The following PPM1K variants were observed in gnomAD, a reference collection of about 807,000 sequenced individuals.
PPM1K encodes the protein protein phosphatase Mn(2+)-dependent 1K.
PPM1K carries 19 observed loss-of-function variants against 32.6 expected under a neutral mutation model. The ratio of observed to expected loss-of-function variants is 0.58; its 90% CI spans 0.41 to 0.86. The LOEUF (loss-of-function observed/expected upper bound fraction) is 0.86. PPM1K is among the 40% of genes least tolerant of loss of function. PPM1K has a pLI of 0.00. For missense variants in PPM1K, 362 were observed against 461.2 expected (o/e 0.78, Z 1.97); for synonymous variants, 159 against 165.3 (o/e 0.96, Z 0.29).
At position 88,278,134 on chromosome 4, in the gene PPM1K, T is replaced by C. The variant is rs1447643391; in HGVS notation, c.440+10A>G. On this transcript the variant is annotated intron_variant, in intron 2 of 6. Transcript: ENST00000608933. This position sits in a 1 kb window ranked among gnomAD's most constrained non-coding sequence, Gnocchi z 4.2. ...ACTGCAAAGTCAGGAGTGAAAGTCA[T>C]TGTACATACATAATACATTTCTCCA... 2.5e-6 allele frequency: 4 copies of C among 1,603,494 alleles called. No individual in the cohort carries two copies. The highest frequency in any genetic ancestry group is 1.3e-5 in the African/African-American group (1 of 74,846).
At position 88,260,540 on chromosome 4, in the gene PPM1K, G is replaced by A. The variant is rs1403450023; in HGVS notation, c.*2055C>T. The stretch of plus-strand genomic sequence containing the variant: ...TCACCTCTCAGACAACAAACAGAAT[G>A]TTAACAGTCTTTCCTGTGATGTTTT... On this transcript the variant is annotated 3_prime_UTR_variant, in exon 7 of 7. Transcript: ENST00000608933. The A allele has an allele frequency of 4.6e-5, 7 of 151,926 alleles. 1 individual carries two copies. Among genetic ancestry groups the A allele is most frequent in the Non-Finnish European group, 1.5e-5 (1 of 67,970 alleles). 9.4% of individuals were successfully genotyped at this position (151,926 alleles called of 1,614,324 possible). A position where few individuals can be genotyped will look rare whatever the true frequency, so the allele number is the denominator to read the frequency against.
In PPM1K at chr4:88,284,498, C is replaced by A. The variant is rs1260020984; in HGVS notation, c.-152G>T. ...GGTCGGTAAATAAGAGTGCCTTCTC[C>A]GTCGTCTCGGATCTCCGAAGCAAGC... is the stretch of plus-strand genomic sequence containing the variant. On this transcript the variant is annotated 5_prime_UTR_variant, in exon 1 of 7. Coordinates refer to ENST00000608933, the MANE Select transcript of PPM1K (RefSeq NM_152542.5). 6.6e-6 allele frequency: 1 copy of A among 152,270 alleles called. No individual in the cohort carries two copies. The highest frequency in any genetic ancestry group is 1.5e-5 in the Non-Finnish European group (1 of 68,056). The allele number at this position is 152,270 out of a possible 1,614,324, so 9.4% of individuals were successfully genotyped here.
chr4:88,266,969 A>C (rs1207298911), intron 5 of PPM1K, among the ~76,000 whole-genome samples: 1 of 118,888 alleles, frequency 8.4e-6, no homozygotes, highest in Non-Finnish European at 1.7e-5. Flanking sequence ...GGTGCAGGTG[A>C]TGCTGATTGG....
chr4:88,269,847 T>C (rs747156049), intron 3 of PPM1K, among the ~76,000 whole-genome samples: 1 of 152,230 alleles, frequency 6.6e-6, no homozygotes, highest in Non-Finnish European at 1.5e-5. Context: ...TCAGACTGCA[T>C]TTCTGCATCT....
chr4:88,270,527 A>C (rs577009311), intron 3 of PPM1K, among the ~76,000 whole-genome samples: 1 of 152,224 alleles, frequency 6.6e-6, no homozygotes, highest in Non-Finnish European at 1.5e-5. Context: ...GAAACAGTGG[A>C]ATCTTTACAG....
rs553787652 is a variant in PPM1K at position 88,277,335 on chromosome 4, A to G, written c.441-92T>C. ...CTCTAGCTAGCAGTCATTCCACACA[A>G]CGGGCCTCAGGATTTTCCTGTCAAA... is the stretch of plus-strand genomic sequence containing the variant. On this transcript the variant is annotated intron_variant, in intron 2 of 6. Coordinates refer to ENST00000608933, the MANE Select transcript of PPM1K (RefSeq NM_152542.5). The G allele has an allele frequency of 5.5e-5, 45 of 825,664 alleles. No individual in the cohort carries two copies. The South Asian group carries it at 6.7e-4, about 12-fold the overall frequency. The allele number at this position is 825,664 out of a possible 1,614,324, so 51.1% of individuals were successfully genotyped here.
In PPM1K at chr4:88,278,097, G is replaced by A. The variant is rs1259936795; in HGVS notation, c.440+47C>T. On this transcript the variant is annotated intron_variant, in intron 2 of 6. Transcript: ENST00000608933. This position sits in a 1 kb window ranked among gnomAD's most constrained non-coding sequence, Gnocchi z 4.2. ...CAGCCAAAGGGTGAAAGTTTAAGTAGGAAGTATAGGAACTGCAAAGTCAGG... is the reference window on the plus strand; with the variant it reads ...CAGCCAAAGGGTGAAAGTTTAAGTAAGAAGTATAGGAACTGCAAAGTCAGG... The A allele has an allele frequency of 6.7e-7, 1 of 1,503,480 alleles. No homozygotes were observed. Among genetic ancestry groups the A allele is most frequent in the East Asian group, 2.3e-5 (1 of 43,950 alleles). The allele number at this position is 1,503,480 out of a possible 1,614,324, so 93.1% of individuals were successfully genotyped here. A position where few individuals can be genotyped will look rare whatever the true frequency, so the allele number is the denominator to read the frequency against.
intron 5 of PPM1K, among the ~76,000 whole-genome samples, chr4:88,267,683 C>G (rs1731391562): frequency 6.6e-6 from 1 of 152,228 alleles, no homozygotes; most frequent in Non-Finnish European, 1.5e-5. Flanking sequence ...GAGAAGGAAC[C>G]AGCAGGCACC....
At position 88,262,547 on chromosome 4, in the gene PPM1K, T is replaced by C; in HGVS notation, c.*48A>G. ...TTTTGATCTTATCAGTTTCTTGACA[T>C]GCTCAGTGAAAAACTGTTGCACAGA... On this transcript the variant is annotated 3_prime_UTR_variant, in exon 7 of 7. Coordinates refer to ENST00000608933, the MANE Select transcript of PPM1K (RefSeq NM_152542.5). The C allele has an allele frequency of 6.2e-7, 1 of 1,602,372 alleles. No homozygotes were observed. Among genetic ancestry groups the C allele is most frequent in the East Asian group, 2.2e-5 (1 of 44,822 alleles).
Position 88,260,467 on chromosome 4 carries a change from T to G in PPM1K, c.*2128A>C, listed in dbSNP as rs1430790721. On this transcript the variant is annotated 3_prime_UTR_variant, in exon 7 of 7. Transcript: ENST00000608933. ...CCACATTTCTGTTCCAAGAACTGAT[T>G]AGAAAAAGCAAGATGGTTTCCCGCT... 1.3e-5 allele frequency: 2 copies of G among 152,182 alleles called. No homozygotes were observed. Among genetic ancestry groups the G allele is most frequent in the East Asian group, 1.9e-4 (1 of 5,204 alleles). The allele number at this position is 152,182 out of a possible 1,614,324, so 9.4% of individuals were successfully genotyped here.
At chr4:88,280,567 C>T (rs1470473225) in intron 1 of PPM1K, among the ~76,000 whole-genome samples, 1 of 152,110 alleles carries the variant, frequency 6.6e-6, no homozygotes, top group African/African-American at 2.4e-5. Flanking sequence ...GAGTTGGAGA[C>T]CAGTGGGCAA....
intron 1 of PPM1K, among the ~76,000 whole-genome samples, chr4:88,282,683 G>C (rs745848028): frequency 6.6e-6 from 1 of 152,182 alleles, no homozygotes; most frequent in Admixed American, 6.5e-5. Flanking sequence ...AAACTCCAAA[G>C]GACTCCCCTT....
At position 88,262,483 on chromosome 4, in the gene PPM1K, A is replaced by T; in HGVS notation, c.*112T>A. On this transcript the variant is annotated 3_prime_UTR_variant, in exon 7 of 7. Coordinates refer to ENST00000608933, the MANE Select transcript of PPM1K (RefSeq NM_152542.5). The stretch of plus-strand genomic sequence containing the variant: ...GAAAAAACTACTATCTAAGTGGTTT[A>T]CACTGACTTGTGCGCTGATCTAGTG... 2 of 1,198,540 alleles carry T rather than the reference A, an allele frequency of 1.7e-6. No individual in the cohort carries two copies. Among genetic ancestry groups the T allele is most frequent in the Non-Finnish European group, 2.3e-6 (2 of 858,142 alleles). 74.2% of individuals were successfully genotyped at this position (1,198,540 alleles called of 1,614,324 possible).
At chr4:88,268,600 G>A (rs531417655) in intron 4 of PPM1K, 141 bp downstream of exon 4, 33 of 950,756 alleles carry the variant, frequency 3.5e-5, no homozygotes, top group African/African-American at 4.9e-5. Flanking sequence ...CAGCCTGGGC[G>A]ACAGAGTGAG....
chr4:88,266,867 G>C (rs1337704200), intron 5 of PPM1K, among the ~76,000 whole-genome samples: 2 of 149,818 alleles, frequency 1.3e-5, no homozygotes, highest in Non-Finnish European at 3.0e-5. Flanking sequence ...GGTGATGTTG[G>C]CTGATTGGGT....
At chr4:88,273,401 C>A (rs186479205) in intron 3 of PPM1K, among the ~76,000 whole-genome samples, 1 of 152,242 alleles carries the variant, frequency 6.6e-6, no homozygotes, top group Non-Finnish European at 1.5e-5. Flanking sequence ...ACTACCTGGG[C>A]TGGGCACAAT....
At chr4:88,283,951 C>T (rs1578326918) in intron 1 of PPM1K, 1 of 152,320 alleles carries the variant, frequency 6.6e-6, no homozygotes, top group East Asian at 1.9e-4. Context: ...CTGGGCGTAC[C>T]GAGCCCGTTG....
At chr4:88,268,643 G>T in intron 4 of PPM1K, 98 bp downstream of exon 4, 1 of 1,271,604 alleles carries the variant, frequency 7.9e-7, no homozygotes, top group South Asian at 1.4e-5. Context: ...AGAAAACCAA[G>T]TCACTGTTAA....
At chr4:88,264,962 C>G in intron 6 of PPM1K, 39 bp downstream of exon 6, 2 of 1,607,518 alleles carry the variant, frequency 1.2e-6, no homozygotes, top group Non-Finnish European at 1.7e-6. Context: ...CCTTTCCTTC[C>G]TTCTCCTTGG....
Sources: allele counts gnomAD v4.1 joint callset (sites outside exome capture counted in the v4.1 genomes callset), GRCh38; gene constraint gnomAD v4.1.1; non-coding constraint Gnocchi (gnomAD v3.1); transcripts MANE v1.5; gene names NCBI Gene and HGNC (gene_info 2026-07-23, HGNC 2026-07-21).